CHRM2: variants seen among roughly 807,000 people sequenced by gnomAD.
CHRM2 encodes cholinergic receptor muscarinic 2, also known as muscarinic acetylcholine receptor M2.
CHRM2 carries 8 observed loss-of-function variants against 25.0 expected under a neutral mutation model. That is an observed-to-expected ratio of 0.32 (90% CI 0.19 to 0.58). CHRM2 has a LOEUF of 0.58. CHRM2 is among the 20% of genes least tolerant of loss of function. CHRM2 has a pLI of 0.88. For synonymous variants in CHRM2, 202 were observed against 205.7 expected, an observed-to-expected ratio of 0.98 and a Z score of 0.15; for missense variants, 440 against 567.1, an observed-to-expected ratio of 0.78 and a Z score of 2.28.
At chr7:136,887,905 A>G (rs576874398) in intron 2 of CHRM2, among the ~76,000 whole-genome samples, 1 of 152,162 alleles carries the variant, frequency 6.6e-6, no homozygotes, top group Non-Finnish European at 1.5e-5. Context: ...CTCTCCTGGG[A>G]GGCACTTTGA....
intron 2 of CHRM2, among the ~76,000 whole-genome samples, chr7:136,930,528 T>C (rs1306906765): frequency 6.6e-6 from 1 of 151,968 alleles, no homozygotes; most frequent in Non-Finnish European, 1.5e-5. Flanking sequence ...GAGAAACCTT[T>C]CTCTAGGAGA....
At chr7:136,900,655 G>C (rs1797148410) in intron 2 of CHRM2, among the ~76,000 whole-genome samples, 1 of 152,050 alleles carries the variant, frequency 6.6e-6, no homozygotes, top group Non-Finnish European at 1.5e-5. Flanking sequence ...GGCATTCTAA[G>C]AAATGGCACA....
intron 2 of CHRM2, among the ~76,000 whole-genome samples, chr7:136,934,933 T>C (rs1010377107): frequency 3.9e-5 from 6 of 151,936 alleles, no homozygotes; most frequent in South Asian, 2.1e-4. Flanking sequence ...CTATAAATAG[T>C]AAATATGCAA....
At chr7:136,992,512 C>T (rs1803294856) in intron 3 of CHRM2, among the ~76,000 whole-genome samples, 1 of 152,148 alleles carries the variant, frequency 6.6e-6, no homozygotes, top group African/African-American at 2.4e-5. Flanking sequence ...TATTCCAAAT[C>T]AAGTTGATTC....
In CHRM2 at chr7:136,969,571, C is replaced by A. The variant is rs137943318; in HGVS notation, c.-124-22616C>A. The stretch of plus-strand genomic sequence containing the variant: ...CAAGTTCTGTGTTGTTTTGGCTGGG[C>A]CTTGCACACATTCTTGTCTTCTGAT... On this transcript the variant is annotated intron_variant, in intron 2 of 3. Coordinates refer to ENST00000680005, the MANE Select transcript of CHRM2 (RefSeq NM_001006630.2). Among the ~76,000 whole-genome samples, 3 of 152,250 alleles carry A rather than the reference C, an allele frequency of 2.0e-5. No homozygotes were observed. In the East Asian group the frequency reaches 5.8e-4, roughly 29 times the overall value.
chr7:137,019,162 C>G lies in CHRM2; in HGVS notation c.*2896C>G, dbSNP rs1805318039. The G allele has an allele frequency of 6.6e-6, 1 of 151,880 alleles. No homozygotes were observed. The highest frequency in any genetic ancestry group is 1.5e-5 in the Non-Finnish European group (1 of 67,898). The allele number at this position is 151,880 out of a possible 1,614,324, so 9.4% of individuals were successfully genotyped here. A position where few individuals can be genotyped will look rare whatever the true frequency, so the allele number is the denominator to read the frequency against. On this transcript the variant is annotated 3_prime_UTR_variant, in exon 4 of 4. Transcript: ENST00000680005. Reference sequence around the variant, plus strand: ...TTTAAGGGATTTCTAAAGCTTGCCTCTTATTAGTGGGAAAATAACCCTGCA... The same window carrying G: ...TTTAAGGGATTTCTAAAGCTTGCCTGTTATTAGTGGGAAAATAACCCTGCA...
intron 2 of CHRM2, among the ~76,000 whole-genome samples, chr7:136,939,809 A>T (rs900142532): frequency 6.6e-6 from 1 of 152,256 alleles, no homozygotes. Context: ...TCACAGGAGC[A>T]AGTATGCTTG....
rs539985140 is a variant in CHRM2, at chr7:137,019,348, T to C, written c.*3082T>C. 6.6e-6 allele frequency: 1 copy of C among 151,892 alleles called. No individual in the cohort carries two copies. Among genetic ancestry groups the C allele is most frequent in the Non-Finnish European group, 1.5e-5 (1 of 67,890 alleles). 9.4% of individuals were successfully genotyped at this position (151,892 alleles called of 1,614,324 possible). ...ATATCAAAAATCACCAGACTATGCA[T>C]ATCGCACATCTTTTTTCCAGCATCT... On this transcript the variant is annotated 3_prime_UTR_variant, in exon 4 of 4. Coordinates refer to ENST00000680005, the MANE Select transcript of CHRM2 (RefSeq NM_001006630.2).
chr7:136,930,677 C>G (rs112106798), intron 2 of CHRM2, among the ~76,000 whole-genome samples: 1 of 151,740 alleles, frequency 6.6e-6, no homozygotes, highest in Non-Finnish European at 1.5e-5. Context: ...GAGGGTGGAT[C>G]ACGAGGTCAG....
intron 2 of CHRM2, among the ~76,000 whole-genome samples, chr7:136,888,609 GTTGATGAGCCC>G (rs1217532293): frequency 6.6e-6 from 1 of 152,142 alleles, no homozygotes; most frequent in Non-Finnish European, 1.5e-5. Flanking sequence ...CAGGCTGTGT[GTTGATGAGCCC>G]TGTGCCTCAT....
intron 2 of CHRM2, among the ~76,000 whole-genome samples, chr7:136,901,156 A>C (rs1797184582): frequency 6.6e-6 from 1 of 152,052 alleles, no homozygotes; most frequent in South Asian, 2.1e-4. Context: ...GGGCACCCCC[A>C]AAGTGGAAAC....
At chr7:136,872,315 A>C (rs959562580) in intron 2 of CHRM2, among the ~76,000 whole-genome samples, 9 of 152,318 alleles carry the variant, frequency 5.9e-5, no homozygotes, top group Middle Eastern at 3.4e-3. Flanking sequence ...TCAGCTCTCA[A>C]CTAACTTCAG....
chr7:136,910,987 T>C (rs1797813620), intron 2 of CHRM2, among the ~76,000 whole-genome samples: 1 of 151,940 alleles, frequency 6.6e-6, no homozygotes, highest in African/African-American at 2.4e-5. Flanking sequence ...TGACATTTCA[T>C]GTTTTTTGTC....
intron 2 of CHRM2, among the ~76,000 whole-genome samples, chr7:136,880,043 G>T (rs2130498998): frequency 7.4e-6 from 1 of 134,558 alleles, no homozygotes; most frequent in Admixed American, 7.2e-5. Flanking sequence ...ATTCCTCTTG[G>T]ATCTTTTTTT....
intron 2 of CHRM2, chr7:136,938,485 G>A: frequency 9.2e-7 from 1 of 1,084,424 alleles, no homozygotes; most frequent in Admixed American, 1.7e-5. Context: ...CTGGATGTTG[G>A]GGTTCACCTC....
chr7:136,982,104 C>G (rs1802527413), intron 2 of CHRM2, among the ~76,000 whole-genome samples: 1 of 152,286 alleles, frequency 6.6e-6, no homozygotes, highest in East Asian at 1.9e-4. Context: ...TCTCTAAGAA[C>G]TTACTTTTTG....
chr7:136,983,223 T>C (rs1298826226), intron 2 of CHRM2, among the ~76,000 whole-genome samples: 1 of 152,238 alleles, frequency 6.6e-6, no homozygotes, highest in Non-Finnish European at 1.5e-5. Context: ...TTTCTTCCAC[T>C]TGATCAATTC....
At chr7:136,914,157 A>C (rs1797983958) in intron 2 of CHRM2, 1 of 151,786 alleles carries the variant, frequency 6.6e-6, no homozygotes, top group Non-Finnish European at 1.5e-5. Context: ...TCATTTTATT[A>C]TTGTTTCAAT....
At chr7:136,883,190 G>A (rs902907226) in intron 2 of CHRM2, among the ~76,000 whole-genome samples, 1 of 152,084 alleles carries the variant, frequency 6.6e-6, no homozygotes, top group Non-Finnish European at 1.5e-5. Flanking sequence ...CCTAGCAGTG[G>A]GGATCTTCCA....
Sources: gnomAD v4.1 joint callset for allele counts (sites outside exome capture counted in the v4.1 genomes callset) on GRCh38, gnomAD v4.1.1 for gene constraint, MANE v1.5 for transcripts, NCBI Gene and HGNC (gene_info 2026-07-23, HGNC 2026-07-21) for gene names.